GAREM1: variants seen among roughly 807,000 people sequenced by gnomAD.
GAREM1 encodes the protein GRB2 associated regulator of MAPK1 subtype 1.
In GAREM1, 26 loss-of-function variants were observed where a neutral mutation model predicts 71.3. The observed-to-expected ratio is 0.36, with a 90% CI of 0.27 to 0.51. GAREM1 has a LOEUF of 0.51. Among genes scored for constraint, GAREM1 ranks in the 20% least tolerant of loss-of-function variants. GAREM1 has a pLI of 0.95. For synonymous variants in GAREM1, 440 were observed against 433.2 expected, an observed-to-expected ratio of 1.02 and a Z score of -0.20; for missense variants, 1,026 against 1,103.1, an observed-to-expected ratio of 0.93 and a Z score of 0.99.
chr18:32,272,816 T>C (rs945477880), intron 4 of GAREM1, among the ~76,000 whole-genome samples: 35 of 152,072 alleles, frequency 2.3e-4, no homozygotes, highest in African/African-American at 7.2e-4. Context: ...AGAAAGGGGG[T>C]TTCGCCATGC....
Position 32,470,481 on chromosome 18 carries a change from C to A in GAREM1, c.-53G>T. On this transcript the variant is annotated 5_prime_UTR_variant, in exon 1 of 6. Coordinates refer to ENST00000269209, the MANE Select transcript of GAREM1 (RefSeq NM_001242409.2). This position sits in a 1 kb window ranked among gnomAD's most constrained non-coding sequence, Gnocchi z 4.4. Reference sequence around the variant, plus strand: ...CCCCCGCCGCCGCCACCGGCACCACCCGCGCCTCGGCGGCCGCCGCTGCTC... The same window carrying A: ...CCCCCGCCGCCGCCACCGGCACCACACGCGCCTCGGCGGCCGCCGCTGCTC... The A allele has an allele frequency of 8.3e-7, 1 of 1,211,558 alleles. No individual in the cohort carries two copies. The highest frequency in any genetic ancestry group is 1.6e-5 in the African/African-American group (1 of 63,168). 75.1% of individuals were successfully genotyped at this position (1,211,558 alleles called of 1,614,324 possible).
At chr18:32,335,531 C>A (rs964279396) in intron 2 of GAREM1, among the ~76,000 whole-genome samples, 1 of 152,152 alleles carries the variant, frequency 6.6e-6, no homozygotes, top group African/African-American at 2.4e-5. Context: ...CAGCAAAACA[C>A]AAACAAAACA....
rs760409161 is a variant in GAREM1, at chr18:32,267,700, T to A, written c.*171A>T. On this transcript the variant is annotated 3_prime_UTR_variant, in exon 6 of 6. Coordinates refer to ENST00000269209, the MANE Select transcript of GAREM1 (RefSeq NM_001242409.2). Reference sequence around the variant, plus strand: ...GTTCTGTACAGCATTTTTATTGATGTACAAAATAGCCTGTTCACCATTCAA... The same window carrying A: ...GTTCTGTACAGCATTTTTATTGATGAACAAAATAGCCTGTTCACCATTCAA... The A allele has an allele frequency of 6.7e-6, 4 of 593,304 alleles. No individual in the cohort carries two copies. The highest frequency in any genetic ancestry group is 1.2e-5 in the Non-Finnish European group (4 of 337,444). 36.8% of individuals were successfully genotyped at this position (593,304 alleles called of 1,614,324 possible).
chr18:32,289,782 A>T (rs893748619), intron 3 of GAREM1, among the ~76,000 whole-genome samples: 22 of 152,172 alleles, frequency 1.4e-4, no homozygotes, highest in African/African-American at 5.3e-4. Flanking sequence ...GCTGCTCAAT[A>T]TGCTATAATG....
rs191318830 is a variant in GAREM1 at position 32,420,823 on chromosome 18, T to A, written c.122-27788A>T. On this transcript the variant is annotated intron_variant, in intron 1 of 5. Transcript: ENST00000269209. ...GCCACATAGTACTTAACTGCATTGGTTTCATAAACATGAACGTTCTCTGCC... is the reference window on the plus strand; with the variant it reads ...GCCACATAGTACTTAACTGCATTGGATTCATAAACATGAACGTTCTCTGCC... 3.5e-3 allele frequency among the ~76,000 whole-genome samples: 539 copies of A among 151,966 alleles called. 10 individuals are homozygous for A. The highest frequency in any genetic ancestry group is 7.9e-4 in the Non-Finnish European group (54 of 67,962).
intron 1 of GAREM1, among the ~76,000 whole-genome samples, chr18:32,415,210 TAA>T (rs2048456130): frequency 6.6e-6 from 1 of 151,814 alleles, no homozygotes; most frequent in Non-Finnish European, 1.5e-5. Flanking sequence ...AAAGCCATAA[TAA>T]AAGTCTTCTA....
chr18:32,318,516 T>C (rs618004), intron 2 of GAREM1, among the ~76,000 whole-genome samples: 42,944 of 152,040 alleles, frequency 0.28, 7,614 homozygotes, highest in African/African-American at 0.5. Flanking sequence ...TGCCGAGATA[T>C]GAAGAAATAA....
chr18:32,267,868 T>C lies in GAREM1; in HGVS notation c.*3A>G, dbSNP rs1567940049. 1.0e-5 allele frequency: 16 copies of C among 1,605,774 alleles called. No individual in the cohort carries two copies. Among genetic ancestry groups the C allele is most frequent in the Non-Finnish European group, 1.4e-5 (16 of 1,174,404 alleles). ...TGTTCCATGCTGGCCGGGGGTTATT[T>C]GGCTATATTTTGGGCCTCCAGCCAT... On this transcript the variant is annotated 3_prime_UTR_variant, in exon 6 of 6. Transcript: ENST00000269209.
intron 2 of GAREM1, among the ~76,000 whole-genome samples, chr18:32,343,930 T>C (rs368272073): frequency 1.3e-5 from 2 of 152,146 alleles, no homozygotes; most frequent in East Asian, 3.9e-4. Context: ...GACAGGCTGC[T>C]CCTTTCCCCC....
At chr18:32,408,110 C>T (rs889308446) in intron 1 of GAREM1, among the ~76,000 whole-genome samples, 10 of 151,840 alleles carry the variant, frequency 6.6e-5, no homozygotes, top group African/African-American at 2.4e-4. Flanking sequence ...CAAAATAATT[C>T]CATTGGGTTT....
At position 32,287,068 on chromosome 18, in the gene GAREM1, G is replaced by A; in HGVS notation, c.1529C>T (p.Ala510Val). 6.2e-7 allele frequency: 1 copy of A among 1,614,078 alleles called. No homozygotes were observed. ...GGGAGGCACTGGAGGTGGAGGTAGGGCAGTATCTGAAGACTTCACTGCTGC... is the reference window on the plus strand; with the variant it reads ...GGGAGGCACTGGAGGTGGAGGTAGGACAGTATCTGAAGACTTCACTGCTGC... The part of the protein sequence containing the change: ...LGAAVKSSDT[A>V]LPPPPVPPKS... The change falls in exon 4 of 6, where the codon GCC becomes GTC. Residue 510 changes from alanine to valine, a missense_variant. Physicochemically the swap from Ala to Val is moderately conservative, Grantham distance 64. This residue lies in a region of GAREM1 where 636 missense variants were observed against 631.2 expected (regional missense o/e 1.01). Transcript: ENST00000269209. This position sits in a 1 kb window ranked among gnomAD's most constrained non-coding sequence, Gnocchi z 5.9.
intron 1 of GAREM1, among the ~76,000 whole-genome samples, chr18:32,408,817 A>C (rs2048389212): frequency 6.6e-6 from 1 of 152,168 alleles, no homozygotes; most frequent in African/African-American, 2.4e-5. Context: ...ATCAAATCAG[A>C]AAGGTTTTTT....
intron 3 of GAREM1, 102 bp from the exon 4 acceptor site, chr18:32,288,305 C>T: frequency 1.1e-6 from 1 of 887,028 alleles, no homozygotes; most frequent in South Asian, 1.9e-5. Context: ...GAGGAAAATG[C>T]TGCGCTTTTC....
At chr18:32,358,903 A>G (rs895099992) in intron 2 of GAREM1, among the ~76,000 whole-genome samples, 3 of 152,190 alleles carry the variant, frequency 2.0e-5, no homozygotes, top group African/African-American at 7.2e-5. Flanking sequence ...TCTTGTGCCT[A>G]AATTATTAAG....
intron 1 of GAREM1, among the ~76,000 whole-genome samples, chr18:32,469,088 G>A (rs1215499457): frequency 1.3e-5 from 2 of 151,544 alleles, no homozygotes; most frequent in Non-Finnish European, 2.9e-5. Flanking sequence ...AGGATAGCAA[G>A]CAAGCCAAGA....
intron 5 of GAREM1, 103 bp downstream of exon 5, chr18:32,270,114 C>T (rs2144414032): frequency 8.2e-7 from 1 of 1,214,798 alleles, no homozygotes; most frequent in Non-Finnish European, 1.2e-6. Flanking sequence ...ATTTCCTCTC[C>T]CACCACCCTG....
chr18:32,428,468 G>C (rs570402516), intron 1 of GAREM1, among the ~76,000 whole-genome samples: 1 of 152,180 alleles, frequency 6.6e-6, no homozygotes, highest in African/African-American at 2.4e-5. Context: ...GTGAGTTCTC[G>C]TGAGATCTGG....
intron 2 of GAREM1, among the ~76,000 whole-genome samples, chr18:32,382,287 C>T (rs910106241): frequency 2.6e-5 from 4 of 152,118 alleles, no homozygotes; most frequent in Non-Finnish European, 4.4e-5. Flanking sequence ...AAGGATCTAC[C>T]TGGTGAGAAA....
intron 1 of GAREM1, chr18:32,413,339 A>C: frequency 1.3e-6 from 1 of 779,172 alleles, no homozygotes; most frequent in Admixed American, 2.6e-5. Context: ...AAACCACATA[A>C]AACTTGAAAG....
Sources: allele counts gnomAD v4.1 joint callset (sites outside exome capture counted in the v4.1 genomes callset), GRCh38; gene constraint gnomAD v4.1.1; regional missense constraint gnomAD v4.1.1; non-coding constraint Gnocchi (gnomAD v3.1); transcripts MANE v1.5; gene names NCBI Gene and HGNC (gene_info 2026-07-23, HGNC 2026-07-21).